UBE2E2: variants seen among roughly 807,000 people sequenced by gnomAD.
UBE2E2 encodes the protein ubiquitin conjugating enzyme E2 E2.
UBE2E2 carries 6 observed loss-of-function variants against 24.7 expected under a neutral mutation model. The observed-to-expected ratio is 0.24, with a 90% CI of 0.13 to 0.48. UBE2E2 has a LOEUF of 0.48. Among genes scored for constraint, UBE2E2 ranks in the 20% least tolerant of loss-of-function variants. The pLI is 0.99. For synonymous variants in UBE2E2, 104 were observed against 83.6 expected, an observed-to-expected ratio of 1.24 and a Z score of -1.33; for missense variants, 169 against 245.0, an observed-to-expected ratio of 0.69 and a Z score of 2.07.
intron 5 of UBE2E2, among the ~76,000 whole-genome samples, chr3:23,558,947 T>C (rs891622658): frequency 2.0e-5 from 3 of 152,202 alleles, no homozygotes; most frequent in African/African-American, 7.2e-5. Context: ...ATAAATTGTA[T>C]AGACACCTTT....
chr3:23,212,033 G>A (rs1384720169), intron 2 of UBE2E2, among the ~76,000 whole-genome samples: 1 of 152,192 alleles, frequency 6.6e-6, no homozygotes, highest in African/African-American at 2.4e-5. Flanking sequence ...GTGCTTGCAC[G>A]TAGGTGCTCA....
chr3:23,279,181 T>A (rs1376204068), intron 3 of UBE2E2, among the ~76,000 whole-genome samples: 1 of 152,204 alleles, frequency 6.6e-6, no homozygotes, highest in Non-Finnish European at 1.5e-5. Flanking sequence ...AGGTAATAAA[T>A]GGACAGATTT....
chr3:23,319,211 T>C (rs1438107364), intron 3 of UBE2E2, among the ~76,000 whole-genome samples: 2 of 152,244 alleles, frequency 1.3e-5, no homozygotes, highest in Middle Eastern at 3.2e-3. Flanking sequence ...TTTTTAATTT[T>C]ATAAAATAAA....
chr3:23,227,195 C>T (rs988324488), intron 3 of UBE2E2, among the ~76,000 whole-genome samples: 1 of 152,132 alleles, frequency 6.6e-6, no homozygotes, highest in Admixed American at 6.6e-5. Flanking sequence ...TTTAGTTTGG[C>T]TGCCTGGAAA....
chr3:23,499,474 C>T, intron 3 of UBE2E2, 134 bp from the exon 4 acceptor site: 3 of 1,105,386 alleles, frequency 2.7e-6, no homozygotes, highest in South Asian at 3.4e-5. Context: ...CAATATGAAT[C>T]TTAACATGAG....
intron 5 of UBE2E2, among the ~76,000 whole-genome samples, chr3:23,578,098 A>G (rs985312788): frequency 1.3e-5 from 2 of 152,184 alleles, no homozygotes; most frequent in Non-Finnish European, 2.9e-5. Context: ...CAAATTTACA[A>G]GAAAAAAAAT....
At chr3:23,219,051 A>G (rs1003667254) in intron 3 of UBE2E2, among the ~76,000 whole-genome samples, 1 of 152,130 alleles carries the variant, frequency 6.6e-6, no homozygotes, top group African/African-American at 2.4e-5. Context: ...GAAGATATCT[A>G]CTTTAGTTAA....
intron 3 of UBE2E2, among the ~76,000 whole-genome samples, chr3:23,284,701 G>A (rs1468486791): frequency 2.0e-5 from 3 of 151,668 alleles, no homozygotes; most frequent in Non-Finnish European, 2.9e-5. Context: ...TGGGTACATA[G>A]TAGGTGGTGA....
chr3:23,457,370 T>C (rs1253705852), intron 3 of UBE2E2, among the ~76,000 whole-genome samples: 2 of 152,162 alleles, frequency 1.3e-5, no homozygotes, highest in Non-Finnish European at 2.9e-5. Flanking sequence ...TGAGTGCTTT[T>C]TCACAGTGGA....
At chr3:23,547,215 A>T (rs1695545227) in intron 5 of UBE2E2, among the ~76,000 whole-genome samples, 2 of 152,220 alleles carry the variant, frequency 1.3e-5, no homozygotes, top group African/African-American at 2.4e-5. Flanking sequence ...TCTCGTTCCA[A>T]CAATAAGACA....
Position 23,589,745 on chromosome 3 carries a change from G to A in UBE2E2, c.520G>A (p.Val174Met). 1 of 1,613,970 alleles carries A rather than the reference G, an allele frequency of 6.2e-7. No homozygotes were observed. Among genetic ancestry groups the A allele is most frequent in the Non-Finnish European group, 8.5e-7 (1 of 1,179,928 alleles). The change falls in exon 6 of 6, where the codon GTG (valine) becomes ATG (methionine). Residue 174 changes from valine to methionine, a missense_variant. Physicochemically the swap from Val to Met is conservative, Grantham distance 21. Coordinates refer to ENST00000396703, the MANE Select transcript of UBE2E2 (RefSeq NM_152653.4). This position sits in a 1 kb window ranked among gnomAD's most constrained non-coding sequence, Gnocchi z 4.1. ...TGCTTTCCTTGCAGCTGACCCTCTG[G>A]TGGGCAGCATCGCCACACAGTACAT... ...LTDCNPADPL[V>M]GSIATQYMTN... is the part of the protein sequence containing the mutation.
At chr3:23,477,361 GT>G (rs1699162000) in intron 3 of UBE2E2, among the ~76,000 whole-genome samples, 1 of 152,168 alleles carries the variant, frequency 6.6e-6, no homozygotes, top group South Asian at 2.1e-4. Context: ...ATTTAGCTGT[GT>G]TTTAGGGAGG....
At chr3:23,399,525 G>A (rs139499054) in intron 3 of UBE2E2, among the ~76,000 whole-genome samples, 1,771 of 152,198 alleles carry the variant, frequency 0.012, 114 homozygotes, top group Admixed American at 0.1. Flanking sequence ...AGTAATTGTG[G>A]TTTTGCCATT....
At chr3:23,296,306 C>CT (rs572516514) in intron 3 of UBE2E2, among the ~76,000 whole-genome samples, 25 of 151,604 alleles carry the variant, frequency 1.6e-4, no homozygotes, top group African/African-American at 5.1e-4. Context: ...TTTCTTTTTT[C>CT]TTTTTTTTAA....
At chr3:23,236,435 T>C (rs915988417) in intron 3 of UBE2E2, among the ~76,000 whole-genome samples, 4 of 151,492 alleles carry the variant, frequency 2.6e-5, no homozygotes, top group Admixed American at 2.6e-4. Flanking sequence ...CTGAATGTTG[T>C]CCAGTCAGGC....
chr3:23,409,849 T>C (rs1233951488), intron 3 of UBE2E2, among the ~76,000 whole-genome samples: 1 of 152,122 alleles, frequency 6.6e-6, no homozygotes, highest in Non-Finnish European at 1.5e-5. Context: ...CTTGTATTGG[T>C]GTTACTCCAA....
chr3:23,287,917 G>C (rs1163990760), intron 3 of UBE2E2, among the ~76,000 whole-genome samples: 4 of 150,098 alleles, frequency 2.7e-5, no homozygotes, highest in Non-Finnish European at 5.9e-5. Context: ...TCTTTATTTT[G>C]ATTTCATTTA....
At chr3:23,533,348 T>C (rs551635455) in intron 5 of UBE2E2, among the ~76,000 whole-genome samples, 25 of 152,326 alleles carry the variant, frequency 1.6e-4, no homozygotes, top group Non-Finnish European at 4.4e-5. Context: ...AATCCAAAGA[T>C]AGCTATAGGG....
chr3:23,581,278 T>G (rs1366769751), intron 5 of UBE2E2, among the ~76,000 whole-genome samples: 1 of 151,786 alleles, frequency 6.6e-6, no homozygotes, highest in Non-Finnish European at 1.5e-5. Flanking sequence ...AGGTTCATCT[T>G]AAACTCCTGG....
Sources: gnomAD v4.1 joint callset for allele counts (sites outside exome capture counted in the v4.1 genomes callset) on GRCh38, gnomAD v4.1.1 for gene constraint, Gnocchi (gnomAD v3.1) non-coding constraint, MANE v1.5 for transcripts, NCBI Gene and HGNC (gene_info 2026-07-23, HGNC 2026-07-21) for gene names.